Variants in ADGRG5 observed in about 807,000 individuals in gnomAD.
ADGRG5 encodes the protein G protein-coupled receptor 114.
In ADGRG5, 37 loss-of-function variants were observed where a neutral mutation model predicts 53.2. That is an observed-to-expected ratio of 0.70 (90% CI 0.53 to 0.91). ADGRG5 has a LOEUF of 0.91. Ranked by LOEUF, ADGRG5 falls within the 40% of genes least tolerant of loss-of-function variation. The probability of loss-of-function intolerance (pLI) is 0.00; values close to 1 mark genes in which losing one functional copy is unlikely to be tolerated. For missense variants in ADGRG5, 614 were observed against 675.8 expected, an observed-to-expected ratio of 0.91 and a Z score of 1.01; for synonymous variants, 277 against 290.4, an observed-to-expected ratio of 0.95 and a Z score of 0.47.
Position 57,575,013 on chromosome 16 carries a change from C to T in ADGRG5, c.1407C>T (p.Thr469=), listed in dbSNP as rs1425824725. ...GCCTCACCGTGCTGCTGGGAACCAC[C>T]TGGGCCTTGGCCTTCTTTTCTTTTG... ...VLGLTVLLGT[T]WALAFFSFGV... Residue 469 remains threonine, a synonymous_variant, in exon 11 of 12, where the codon ACC becomes ACT. Transcript: ENST00000349457. The T allele has an allele frequency of 2.5e-6, 4 of 1,613,942 alleles. No individual in the cohort carries two copies. The highest frequency in any genetic ancestry group is 1.1e-5 in the South Asian group (1 of 91,084).
rs2146773871 is a variant in ADGRG5, at chr16:57,554,468, C to T, written c.-38-7588C>T. Among the ~76,000 whole-genome samples the T allele has an allele frequency of 1.3e-5, 2 of 152,042 alleles. 1 individual carries two copies. The highest frequency in any genetic ancestry group is 4.2e-4 in the South Asian group (2 of 4,808). ...CTCAGCTCACTGCAAGCTCTGCCTC[C>T]CAGGTTCACGCCATTCTCCTGCTTC... On this transcript the variant is annotated intron_variant, in intron 1 of 11. Transcript: ENST00000349457.
upstream of ADGRG5, among the ~76,000 whole-genome samples, chr16:57,538,961 A>C (rs1171242631): frequency 1.3e-5 from 2 of 152,236 alleles, no homozygotes; most frequent in Admixed American, 6.5e-5. Context: ...TGCAAATAAA[A>C]CAACGTTAGT....
At chr16:57,554,092 G>A (rs1213814454) in intron 1 of ADGRG5, among the ~76,000 whole-genome samples, 1 of 152,062 alleles carries the variant, frequency 6.6e-6, no homozygotes, top group East Asian at 1.9e-4. Context: ...GTAAGCATTG[G>A]TAGTTTGTGT....
At chr16:57,568,872 C>T (rs2033236088) in intron 9 of ADGRG5, among the ~76,000 whole-genome samples, 1 of 151,776 alleles carries the variant, frequency 6.6e-6, no homozygotes, top group African/African-American at 2.4e-5. Flanking sequence ...TCATCACCTC[C>T]ATCACCACCT....
chr16:57,548,901 G>T (rs1453884934), intron 1 of ADGRG5, among the ~76,000 whole-genome samples: 1 of 152,032 alleles, frequency 6.6e-6, no homozygotes, highest in Non-Finnish European at 1.5e-5. Context: ...AAGCTGCTAT[G>T]ACTCTTCATA....
At position 57,574,059 on chromosome 16, in the gene ADGRG5, CT is replaced by C. The variant is rs779811098; in HGVS notation, c.1209-755del. ...AGTTCTAGGAAGTCCTTACATTTCCCTGTCTCTAAACCCTTTTCTCCTGCCT... is the reference window on the plus strand; with the variant it reads ...AGTTCTAGGAAGTCCTTACATTTCCCGTCTCTAAACCCTTTTCTCCTGCCT... On this transcript the variant is annotated intron_variant, in intron 10 of 11. Coordinates refer to ENST00000349457, the MANE Select transcript of ADGRG5 (RefSeq NM_001304376.3). The surrounding 1 kb of genome is among the most constrained non-coding windows in gnomAD (Gnocchi z 4.4). 1.5e-4 allele frequency among the ~76,000 whole-genome samples: 23 copies of C among 152,176 alleles called. No homozygotes were observed. Among genetic ancestry groups the C allele is most frequent in the Non-Finnish European group, 2.9e-4 (20 of 68,032 alleles).
chr16:57,572,910 C>T (rs1340216956), intron 10 of ADGRG5, among the ~76,000 whole-genome samples: 1 of 152,186 alleles, frequency 6.6e-6, no homozygotes, highest in Non-Finnish European at 1.5e-5. Context: ...TGAACCTCAG[C>T]AGGGGATTGT....
the ADGRG5 span, chr16:57,536,567 G>T: frequency 3.9e-5 from 6 of 152,158 alleles, no homozygotes; most frequent in Non-Finnish European, 7.4e-5. Context: ...GCACCGTGCA[G>T]CTGCGACCGC....
rs1341447973 is a variant in ADGRG5 at position 57,567,862 on chromosome 16, G to A, written c.828G>A (p.Gln276=). The change falls in exon 9 of 12, where the codon CAG becomes CAA. Residue 276 remains glutamine (Q), a synonymous_variant. Coordinates refer to ENST00000349457, the MANE Select transcript of ADGRG5 (RefSeq NM_001304376.3). ...TVLLHFHFRK[Q]SDSLTRIHMN... is the part of the protein sequence containing the mutation. ...ACCATTCTCTCACCTGCAGGAAGCA[G>A]AGTGACTCCTTAACACGCATCCACA... 6 of 1,608,978 alleles carry A rather than the reference G, an allele frequency of 3.7e-6. No individual in the cohort carries two copies. The Admixed American group carries it at 6.7e-5, about 18-fold the overall frequency.
chr16:57,559,792 A>T (rs1234767578), intron 1 of ADGRG5, among the ~76,000 whole-genome samples: 22 of 152,032 alleles, frequency 1.4e-4, no homozygotes, highest in Admixed American at 5.9e-4. Flanking sequence ...CATTGTTATG[A>T]TGGGAACAAT....
chr16:57,564,099 C>A, intron 5 of ADGRG5, 120 bp downstream of exon 5: 1 of 1,098,382 alleles, frequency 9.1e-7, no homozygotes, highest in Non-Finnish European at 1.3e-6. Flanking sequence ...AACCAGCCAT[C>A]TGTGCAATCC....
chr16:57,541,445 C>T (rs1399101584), upstream of ADGRG5, among the ~76,000 whole-genome samples: 2 of 152,152 alleles, frequency 1.3e-5, no homozygotes, highest in Admixed American at 6.5e-5. Flanking sequence ...GGGAGTGTAG[C>T]CCAGGAGTCA....
chr16:57,535,662 G>T, the ADGRG5 span, among the ~76,000 whole-genome samples: 2 of 119,430 alleles, frequency 1.7e-5, no homozygotes, highest in Non-Finnish European at 3.3e-5. Flanking sequence ...CGGCAACACC[G>T]TGAACTCTTC....
intron 1 of ADGRG5, among the ~76,000 whole-genome samples, chr16:57,546,253 A>G (rs866766438): frequency 2.6e-5 from 4 of 152,192 alleles, no homozygotes; most frequent in Non-Finnish European, 5.9e-5. Context: ...CATCCCAAGC[A>G]GCTGAAACTA....
the ADGRG5 span, among the ~76,000 whole-genome samples, chr16:57,531,203 G>T: frequency 5.3e-5 from 8 of 151,960 alleles, no homozygotes; most frequent in African/African-American, 9.6e-5. Context: ...GCTCATCTTG[G>T]TTAAAATAGA....
At chr16:57,533,715 C>G in the ADGRG5 span, among the ~76,000 whole-genome samples, 1 of 151,810 alleles carries the variant, frequency 6.6e-6, no homozygotes, top group African/African-American at 2.4e-5. Context: ...CATACAGCCC[C>G]GGTAATGCAC....
the ADGRG5 span, chr16:57,529,130 G>A: frequency 8.4e-7 from 1 of 1,185,462 alleles, no homozygotes; most frequent in African/African-American, 1.6e-5. This position sits in a 1 kb window ranked among gnomAD's most constrained non-coding sequence, Gnocchi z 4.1. Flanking sequence ...GGCTGCCCTT[G>A]GACAGCTGCG....
chr16:57,555,085 A>G (rs2146775804), intron 1 of ADGRG5, among the ~76,000 whole-genome samples: 1 of 152,272 alleles, frequency 6.6e-6, no homozygotes, highest in African/African-American at 2.4e-5. Context: ...TTTATGGCCC[A>G]GAATATGGTC....
At chr16:57,573,879 G>A (rs1051652722) in intron 10 of ADGRG5, among the ~76,000 whole-genome samples, 6 of 152,066 alleles carry the variant, frequency 3.9e-5, no homozygotes, top group South Asian at 2.1e-4. Context: ...CTGCCACCAC[G>A]CCCAGCTAAT....
Sources: gnomAD v4.1 joint callset for allele counts (sites outside exome capture counted in the v4.1 genomes callset) on GRCh38, gnomAD v4.1.1 for gene constraint, Gnocchi (gnomAD v3.1) non-coding constraint, MANE v1.5 for transcripts, NCBI Gene and HGNC (gene_info 2026-07-23, HGNC 2026-07-21) for gene names.